SORCS3: variants seen among roughly 807,000 people sequenced by gnomAD.
The protein encoded by SORCS3 is sortilin related VPS10 domain containing receptor 3.
In SORCS3, 57 loss-of-function variants were observed where a neutral mutation model predicts 146.3. The ratio of observed to expected loss-of-function variants is 0.39; its 90% CI spans 0.31 to 0.49. The LOEUF is 0.49. Among genes scored for constraint, SORCS3 ranks in the 20% least tolerant of loss-of-function variants. SORCS3 has a pLI of 0.92. For synonymous variants in SORCS3, 653 were observed against 618.5 expected (o/e 1.06, Z -0.83); for missense variants, 1,341 against 1,575.5 (o/e 0.85, Z 2.52).
intron 2 of SORCS3, among the ~76,000 whole-genome samples, chr10:104,906,080 A>G (rs1283592531): frequency 6.6e-6 from 1 of 152,184 alleles, no homozygotes; most frequent in Admixed American, 6.5e-5. Flanking sequence ...GATGTGCCCA[A>G]ACAGACATAA....
At chr10:104,922,335 A>G (rs1325473618) in intron 3 of SORCS3, among the ~76,000 whole-genome samples, 1 of 152,168 alleles carries the variant, frequency 6.6e-6, no homozygotes, top group East Asian at 1.9e-4. Flanking sequence ...AAAAATGTCT[A>G]CCTCTGAGCA....
chr10:104,890,347 GT>G (rs1225686867), intron 2 of SORCS3, among the ~76,000 whole-genome samples: 6 of 151,030 alleles, frequency 4.0e-5, no homozygotes, highest in Non-Finnish European at 7.4e-5. Flanking sequence ...TTTTTCCTCA[GT>G]TTTTTTTTGT....
chr10:104,671,688 G>T (rs988209839), intron 1 of SORCS3, among the ~76,000 whole-genome samples: 1 of 151,802 alleles, frequency 6.6e-6, no homozygotes, highest in Non-Finnish European at 1.5e-5. Flanking sequence ...ATCATGAAAG[G>T]GTTGGTGGAT....
intron 7 of SORCS3, among the ~76,000 whole-genome samples, chr10:105,108,762 A>G (rs1255747938): frequency 6.6e-6 from 1 of 152,240 alleles, no homozygotes; most frequent in Non-Finnish European, 1.5e-5. Context: ...ATTACATGGT[A>G]TCATTTGCAA....
At chr10:105,045,537 A>T in intron 5 of SORCS3, among the ~76,000 whole-genome samples, 1 of 152,002 alleles carries the variant, frequency 6.6e-6, no homozygotes, top group East Asian at 1.9e-4. Context: ...ATTTTTTTTT[A>T]ATCCAAAGAC....
rs536520573 is a variant in SORCS3, at chr10:105,084,292, C to T, written c.1029-5483C>T. Reference sequence around the variant, plus strand: ...TTAATGAAGATAATGCTTATAAACACCAAACACAATGCCTGACACAGGAAT... The same window carrying T: ...TTAATGAAGATAATGCTTATAAACATCAAACACAATGCCTGACACAGGAAT... On this transcript the variant is annotated intron_variant, in intron 5 of 26. Coordinates refer to ENST00000369701, the MANE Select transcript of SORCS3 (RefSeq NM_014978.3). Among the ~76,000 whole-genome samples, 84 of 152,180 alleles carry T rather than the reference C, an allele frequency of 5.5e-4. 2 individuals are homozygous for T. In the South Asian group the frequency reaches 0.011, roughly 21 times the overall value.
chr10:104,873,315 C>T (rs1021554752), intron 2 of SORCS3, among the ~76,000 whole-genome samples: 10 of 152,308 alleles, frequency 6.6e-5, no homozygotes, highest in Admixed American at 5.2e-4. Context: ...ATCATCCTTG[C>T]TGGAAATCCA....
chr10:104,910,300 A>G (rs1201216543), intron 2 of SORCS3, among the ~76,000 whole-genome samples: 1 of 152,200 alleles, frequency 6.6e-6, no homozygotes, highest in Non-Finnish European at 1.5e-5. Flanking sequence ...ATAGCCAGTG[A>G]AGTAGAAGTT....
rs144990601 is a variant in SORCS3, at chr10:105,040,526, T to A, written c.955-2529T>A. ...ATTGTTTAATTTCTACCCCGGTTAA[T>A]CTTTCCCATCTGTCAACCTCTAGAG... On this transcript the variant is annotated intron_variant, in intron 4 of 26. Coordinates refer to ENST00000369701, the MANE Select transcript of SORCS3 (RefSeq NM_014978.3). Among the ~76,000 whole-genome samples, 633 of 152,314 alleles carry A rather than the reference T, an allele frequency of 4.2e-3. 7 individuals carry two copies. Among genetic ancestry groups the A allele is most frequent in the African/African-American group, 0.014 (588 of 41,568 alleles).
chr10:105,252,894 G>A lies in SORCS3; in HGVS notation c.3225G>A (p.Gly1075=). The change falls in exon 23 of 27, where the codon GGG becomes GGA. Residue 1075 remains glycine (G), a synonymous_variant. Coordinates refer to ENST00000369701, the MANE Select transcript of SORCS3 (RefSeq NM_014978.3). ...CAGAGAGGAGGAAAGGCAATGAAGG[G>A]GACCTGGAACAAGTAAGTGAAAGTA... ...NLTERRKGNE[G]DLEQIVETLF... The A allele has an allele frequency of 1.2e-6, 2 of 1,613,538 alleles. No homozygotes were observed. Among genetic ancestry groups the A allele is most frequent in the Non-Finnish European group, 1.7e-6 (2 of 1,179,748 alleles).
chr10:105,069,435 G>T (rs1307907361), intron 5 of SORCS3, among the ~76,000 whole-genome samples: 2 of 152,192 alleles, frequency 1.3e-5, no homozygotes, highest in Non-Finnish European at 2.9e-5. Flanking sequence ...GATTTTCTAA[G>T]CTTCAGTTTC....
chr10:105,165,406 T>C (rs139449988), intron 12 of SORCS3, among the ~76,000 whole-genome samples: 1 of 152,294 alleles, frequency 6.6e-6, no homozygotes, highest in East Asian at 1.9e-4. Context: ...AGACAATGAA[T>C]ATCTTGTTAG....
At chr10:105,243,005 A>G (rs2056845298) in intron 20 of SORCS3, among the ~76,000 whole-genome samples, 2 of 129,498 alleles carry the variant, frequency 1.5e-5, no homozygotes, top group African/African-American at 5.8e-5. Flanking sequence ...TTATACATGT[A>G]TTTTTATATA....
intron 14 of SORCS3, among the ~76,000 whole-genome samples, chr10:105,184,584 T>C (rs1362451697): frequency 3.9e-5 from 6 of 152,232 alleles, no homozygotes; most frequent in Non-Finnish European, 5.9e-5. Context: ...CACTGCCTAA[T>C]GAAATATTGA....
intron 3 of SORCS3, among the ~76,000 whole-genome samples, chr10:104,947,053 G>A (rs914174310): frequency 6.6e-6 from 1 of 152,090 alleles, no homozygotes; most frequent in Non-Finnish European, 1.5e-5. Context: ...AGAGTAGATG[G>A]CAGCTCACGT....
intron 1 of SORCS3, 68 bp downstream of exon 1, chr10:104,642,022 G>GGGGGGGGGCCCCA: frequency 5.8e-6 from 1 of 173,336 alleles, no homozygotes; most frequent in Non-Finnish European, 1.1e-5. Context: ...GGGTGGGTGG[G>GGGGGGGGGCCCCA]AGCGAGGGAC....
rs2056653704 is a variant in SORCS3 at position 105,214,528 on chromosome 10, C to T, written c.2462C>T (p.Pro821Leu). 1 of 1,613,806 alleles carries T rather than the reference C, an allele frequency of 6.2e-7. No individual in the cohort carries two copies. Among genetic ancestry groups the T allele is most frequent in the South Asian group, 1.1e-5 (1 of 91,054 alleles). The change falls in exon 18 of 27, where the codon CCT becomes CTT. Residue 821 changes from proline (P) to leucine (L), a missense_variant. By Grantham distance (98) the Pro-to-Leu change is moderately conservative. Transcript: ENST00000369701. The stretch of plus-strand genomic sequence containing the variant: ...GCCCAGATGTGCCCTGGAAAAGCCC[C>T]TCGGGGCCTCCATGTGGTGACGACC... ...AKAQMCPGKA[P>L]RGLHVVTTDG...
At chr10:104,729,545 G>T (rs1408575320) in intron 1 of SORCS3, among the ~76,000 whole-genome samples, 9 of 152,206 alleles carry the variant, frequency 5.9e-5, no homozygotes, top group Non-Finnish European at 1.3e-4. Context: ...ATAAGTTCAG[G>T]CTTGAAGAAA....
At chr10:104,991,919 C>T (rs982301171) in intron 4 of SORCS3, among the ~76,000 whole-genome samples, 1 of 152,160 alleles carries the variant, frequency 6.6e-6, no homozygotes, top group Non-Finnish European at 1.5e-5. Flanking sequence ...TTCTGAGGTA[C>T]TGGGGGTTAG....
Sources: gnomAD v4.1 joint callset for allele counts (sites outside exome capture counted in the v4.1 genomes callset) on GRCh38, gnomAD v4.1.1 for gene constraint, MANE v1.5 for transcripts, NCBI Gene and HGNC (gene_info 2026-07-23, HGNC 2026-07-21) for gene names.